Variants in RIGI observed in about 807,000 individuals in gnomAD.
RIGI encodes the protein RNA sensor RIG-I.
the RIGI span, among the ~76,000 whole-genome samples, chr9:32,458,684 A>G: frequency 6.6e-6 from 1 of 152,224 alleles, no homozygotes; most frequent in African/African-American, 2.4e-5. Flanking sequence ...AATTGCAAAG[A>G]TATCCCAGAA....
At chr9:32,499,325 T>G in the RIGI span, among the ~76,000 whole-genome samples, 2 of 149,706 alleles carry the variant, frequency 1.3e-5, no homozygotes, top group East Asian at 1.9e-4. Flanking sequence ...TGTTTTTTTT[T>G]TTTTTTTTTT....
chr9:32,491,040 T>C, the RIGI span, among the ~76,000 whole-genome samples: 1 of 151,732 alleles, frequency 6.6e-6, no homozygotes, highest in African/African-American at 2.4e-5. Flanking sequence ...GCATTTCCAA[T>C]ATAGACACGC....
At chr9:32,455,354 A>C in the RIGI span, among the ~76,000 whole-genome samples, 1 of 152,162 alleles carries the variant, frequency 6.6e-6, no homozygotes, top group Non-Finnish European at 1.5e-5. Flanking sequence ...ATGGCTGAGG[A>C]GGCCTCAGGA....
At chr9:32,462,341 A>G in the RIGI span, among the ~76,000 whole-genome samples, 1 of 151,222 alleles carries the variant, frequency 6.6e-6, no homozygotes, top group Non-Finnish European at 1.5e-5. Context: ...CATAGATAAT[A>G]TATTGATTAC....
At chr9:32,480,120 T>A in the RIGI span, 1 of 1,354,532 alleles carries the variant, frequency 7.4e-7, no homozygotes, top group Non-Finnish European at 1.0e-6. Flanking sequence ...TCCCTAAGCA[T>A]CCCCAAGTTT....
the RIGI span, chr9:32,481,530 T>G: frequency 7.0e-7 from 1 of 1,418,792 alleles, no homozygotes; most frequent in South Asian, 1.3e-5. Flanking sequence ...TTTTTCACTG[T>G]CTCATATGGT....
the RIGI span, among the ~76,000 whole-genome samples, chr9:32,466,805 T>C: frequency 5.3e-5 from 8 of 150,200 alleles, 1 homozygote; most frequent in Non-Finnish European, 1.5e-5. Context: ...GTCTCAACAA[T>C]GCAGGGTGAT....
the RIGI span, among the ~76,000 whole-genome samples, chr9:32,478,464 A>T: frequency 2.6e-5 from 4 of 152,200 alleles, no homozygotes; most frequent in African/African-American, 9.6e-5. Flanking sequence ...TCTTTTTAAC[A>T]CTAGTTCAAT....
chr9:32,467,752 C>T, the RIGI span: 4 of 1,560,920 alleles, frequency 2.6e-6, no homozygotes, highest in Non-Finnish European at 3.5e-6. Context: ...GGCCTCAAAG[C>T]TTCTCTTACC....
the RIGI span, among the ~76,000 whole-genome samples, chr9:32,504,013 G>A: frequency 7.9e-6 from 1 of 126,852 alleles, no homozygotes; most frequent in Non-Finnish European, 1.7e-5. Context: ...CTCCACTCCA[G>A]CCTGGGTAAT....
At chr9:32,479,491 A>G in the RIGI span, among the ~76,000 whole-genome samples, 2 of 152,168 alleles carry the variant, frequency 1.3e-5, no homozygotes, top group Non-Finnish European at 2.9e-5. Context: ...TCTATTTTTT[A>G]ATCATATGCA....
At chr9:32,455,707 G>T in the RIGI span, 2 of 151,874 alleles carry the variant, frequency 1.3e-5, no homozygotes, top group South Asian at 4.2e-4. Context: ...TCATAAACTT[G>T]GTTTAAATAA....
the RIGI span, among the ~76,000 whole-genome samples, chr9:32,497,655 G>C: frequency 6.6e-6 from 1 of 152,222 alleles, no homozygotes; most frequent in Non-Finnish European, 1.5e-5. Context: ...GCTGAGGCAG[G>C]AGAATGGCAT....
At chr9:32,457,444 C>G in the RIGI span, 5 of 1,535,876 alleles carry the variant, frequency 3.3e-6, no homozygotes, top group African/African-American at 7.3e-5. Flanking sequence ...TGGAATAACA[C>G]ACAAAAGAGA....
At chr9:32,526,067 T>C in the RIGI span, 20 of 1,613,326 alleles carry the variant, frequency 1.2e-5, no homozygotes, top group Non-Finnish European at 1.6e-5. Context: ...TCACCCTCCC[T>C]AAACCAGGGG....
the RIGI span, among the ~76,000 whole-genome samples, chr9:32,496,178 G>A: frequency 4.6e-5 from 7 of 152,096 alleles, no homozygotes; most frequent in Non-Finnish European, 8.8e-5. Context: ...GTGTCATGAA[G>A]TTTTTCCCCT....
At chr9:32,464,121 G>C in the RIGI span, among the ~76,000 whole-genome samples, 1 of 151,676 alleles carries the variant, frequency 6.6e-6, no homozygotes, top group African/African-American at 2.4e-5. Context: ...TGGGGCGCTG[G>C]GGAAGAAAGC....
chr9:32,457,644 A>G, the RIGI span, among the ~76,000 whole-genome samples: 1 of 152,136 alleles, frequency 6.6e-6, no homozygotes, highest in African/African-American at 2.4e-5. Flanking sequence ...GCAAGTGAGG[A>G]CACTGGGCAC....
At chr9:32,482,187 TTGTGTGTGTGTG>T in the RIGI span, among the ~76,000 whole-genome samples, 7 of 144,956 alleles carry the variant, frequency 4.8e-5, no homozygotes, top group East Asian at 1.4e-3. Context: ...GTGTGTTTGT[TTGTGTGTGTGTG>T]TGTGTGTGTG....
Sources: gnomAD v4.1 joint callset for allele counts (sites outside exome capture counted in the v4.1 genomes callset) on GRCh38, gnomAD v4.1.1 for gene constraint, MANE v1.5 for transcripts, NCBI Gene and HGNC (gene_info 2026-07-23, HGNC 2026-07-21) for gene names.